Variants in GPR137 observed in about 807,000 individuals in gnomAD.
GPR137 encodes integral membrane protein GPR137.
Under a neutral mutation model 38.9 loss-of-function variants are expected in GPR137, and 20 were observed. That is an observed-to-expected ratio of 0.51 (90% CI 0.36 to 0.75). The LOEUF (loss-of-function observed/expected upper bound fraction) is 0.75. GPR137 is among the 30% of genes least tolerant of loss of function. GPR137 has a pLI of 0.00. For synonymous variants in GPR137, 226 were observed against 235.8 expected (o/e 0.96, Z 0.38); for missense variants, 456 against 526.4 (o/e 0.87, Z 1.31).
chr11:64,289,032 T>C lies in GPR137; in HGVS notation c.1032-5T>C, dbSNP rs111316303. The C allele has an allele frequency of 9.0e-6, 14 of 1,549,200 alleles. No homozygotes were observed. In the Admixed American group the frequency reaches 1.3e-4, roughly 15 times the overall value. Reference sequence around the variant, plus strand: ...CCTGAGACTGACCCTGTTTCTCTGCTGCAGTATGTCGGGCAGTCTAGGCTC... The same window carrying C: ...CCTGAGACTGACCCTGTTTCTCTGCCGCAGTATGTCGGGCAGTCTAGGCTC... On this transcript the variant is annotated splice_polypyrimidine_tract_variant and splice_region_variant and intron_variant, in intron 6 of 6. Coordinates refer to ENST00000438980, the MANE Select transcript of GPR137 (RefSeq NM_001170880.2).
upstream of GPR137, chr11:64,285,066 G>T (rs1242043212): frequency 9.2e-6 from 10 of 1,090,328 alleles, no homozygotes; most frequent in Non-Finnish European, 2.3e-6. Flanking sequence ...TGATTACTGC[G>T]GGCGAAGGCG....
At chr11:64,284,592 G>A (rs2033728401), upstream of GPR137, 1 of 1,497,864 alleles carries the variant, frequency 6.7e-7, no homozygotes, top group Non-Finnish European at 8.9e-7. Context: ...GGTGGACCCA[G>A]GCCCCGCCCC....
chr11:64,272,252 G>C (rs1469218049), upstream of GPR137, among the ~76,000 whole-genome samples: 1 of 152,032 alleles, frequency 6.6e-6, no homozygotes, highest in African/African-American at 2.4e-5. Flanking sequence ...CCAGGAGGGA[G>C]AGGTCGCAGT....
upstream of GPR137, among the ~76,000 whole-genome samples, chr11:64,281,867 C>T (rs1591176136): frequency 6.6e-6 from 1 of 152,164 alleles, no homozygotes; most frequent in Non-Finnish European, 1.5e-5. Context: ...ACTATAGGTG[C>T]GCGCCACCAT....
upstream of GPR137, among the ~76,000 whole-genome samples, chr11:64,274,814 C>CTT (rs776333851): frequency 1.0e-4 from 15 of 150,570 alleles, no homozygotes; most frequent in Non-Finnish European, 1.6e-4. Flanking sequence ...GAGTGAGACT[C>CTT]TGTCTCAAAA....
chr11:64,277,595 G>A (rs1046168876), intron 2 of GPR137, among the ~76,000 whole-genome samples: 1 of 152,038 alleles, frequency 6.6e-6, no homozygotes, highest in Non-Finnish European at 1.5e-5. Flanking sequence ...CACCATGCCC[G>A]GCTAATTTTT....
chr11:64,287,193 G>C, intron 2 of GPR137, 179 bp downstream of exon 2: 7 of 985,326 alleles, frequency 7.1e-6, no homozygotes, highest in Non-Finnish European at 8.4e-6. Context: ...TTGCAGATCT[G>C]CAAGGCACAG....
intron 2 of GPR137, 45 bp downstream of exon 2, chr11:64,287,059 C>G (rs748516663): frequency 1.6e-5 from 26 of 1,598,734 alleles, no homozygotes; most frequent in Non-Finnish European, 2.1e-5. Context: ...AGGTCAGGGG[C>G]AGGTGACAGT....
At chr11:64,278,460 CCCT>C (rs1427147009) in intron 2 of GPR137, among the ~76,000 whole-genome samples, 2 of 151,312 alleles carry the variant, frequency 1.3e-5, no homozygotes, top group African/African-American at 4.9e-5. Context: ...AACACTTAGC[CCCT>C]CCTCTGCGCC....
At chr11:64,274,992 CAAAAAAAAAA>C (rs34418386), upstream of GPR137, among the ~76,000 whole-genome samples, 1 of 54,406 alleles carries the variant, frequency 1.8e-5, no homozygotes, top group African/African-American at 9.2e-5. Flanking sequence ...GACTTTGTCT[CAAAAAAAAAA>C]AAAAAAAAAA....
At chr11:64,284,830 C>A, upstream of GPR137, 3 of 1,522,012 alleles carry the variant, frequency 2.0e-6, no homozygotes, top group Non-Finnish European at 2.6e-6. Context: ...GCTCCTCGTC[C>A]GCATCCTTTT....
rs1364416600 is a variant in GPR137, at chr11:64,288,347, T to C, written c.791T>C (p.Leu264Pro). 1.2e-6 allele frequency: 2 copies of C among 1,613,856 alleles called. No homozygotes were observed. Among genetic ancestry groups the C allele is most frequent in the East Asian group, 4.5e-5 (2 of 44,872 alleles). Residue 264 changes from leucine (L) to proline (P), a missense_variant, in exon 5 of 7, where the codon CTG (leucine) becomes CCG (proline). By Grantham distance (98) the Leu-to-Pro change is moderately conservative. Transcript: ENST00000438980. The surrounding 1 kb of genome is among the most constrained non-coding windows in gnomAD (Gnocchi z 5.5). ...DWYNVSDQAD[L>P]VNDLGNKGYL... ...GCCCCTGCCTTCCCACAGGCGGACC[T>C]GGTGAATGACCTGGGGAACAAAGGC...
upstream of GPR137, among the ~76,000 whole-genome samples, chr11:64,282,371 G>A (rs1472379110): frequency 3.3e-5 from 5 of 152,166 alleles, no homozygotes; most frequent in Non-Finnish European, 5.9e-5. Flanking sequence ...GGAGGCCAAG[G>A]TGAGAGGATT....
chr11:64,289,466 C>T lies in GPR137; in HGVS notation c.*270C>T. On this transcript the variant is annotated 3_prime_UTR_variant, in exon 7 of 7. Coordinates refer to ENST00000438980, the MANE Select transcript of GPR137 (RefSeq NM_001170880.2). ...AGCCAGCTACCTCTCCTGTGCCTGC[C>T]ACTCAATAAACAGTGTCTGCGCCCC... 5 of 1,495,194 alleles carry T rather than the reference C, an allele frequency of 3.3e-6. No homozygotes were observed. The highest frequency in any genetic ancestry group is 3.6e-6 in the Non-Finnish European group (4 of 1,126,634). The allele number at this position is 1,495,194 out of a possible 1,614,324, so 92.6% of individuals were successfully genotyped here. A position where few individuals can be genotyped will look rare whatever the true frequency, so the allele number is the denominator to read the frequency against.
At chr11:64,273,848 C>A (rs1466776961), upstream of GPR137, among the ~76,000 whole-genome samples, 1 of 118,960 alleles carries the variant, frequency 8.4e-6, no homozygotes, top group Non-Finnish European at 1.7e-5. Context: ...CGCCACTGCA[C>A]CCATCTCAAA....
upstream of GPR137, chr11:64,284,799 C>T (rs1346180494): frequency 2.6e-6 from 4 of 1,529,422 alleles, no homozygotes; most frequent in Non-Finnish European, 2.6e-6. Flanking sequence ...GGCCCGGCCC[C>T]GCCCCCCCGC....
At chr11:64,284,095 TC>T, upstream of GPR137, 5 of 1,455,666 alleles carry the variant, frequency 3.4e-6, no homozygotes, top group Non-Finnish European at 4.6e-6. Flanking sequence ...CCCAAAGCAT[TC>T]AGTGCCTGTG....
At chr11:64,271,906 G>C, upstream of GPR137, 1 of 995,150 alleles carries the variant, frequency 1.0e-6, no homozygotes, top group Non-Finnish European at 1.3e-6. Flanking sequence ...CCACTCGTGG[G>C]TCTTCCAGGG....
In GPR137 at chr11:64,285,986, G is replaced by A. The variant is rs759573485; in HGVS notation, c.-539G>A. The A allele has an allele frequency of 2.9e-4, 287 of 982,770 alleles. No individual in the cohort carries two copies. Among genetic ancestry groups the A allele is most frequent in the Non-Finnish European group, 3.4e-4 (279 of 827,444 alleles). 60.9% of individuals were successfully genotyped at this position (982,770 alleles called of 1,614,324 possible). The stretch of plus-strand genomic sequence containing the variant: ...CGTGGACGCGGTGGGGGAGGGTGGG[G>A]CGGGGGCAGCTTTCGAGAATTACGA... On this transcript the variant is annotated 5_prime_UTR_variant, in exon 1 of 7. Transcript: ENST00000438980.
Sources: gnomAD v4.1 joint callset for allele counts (sites outside exome capture counted in the v4.1 genomes callset) on GRCh38, gnomAD v4.1.1 for gene constraint, Gnocchi (gnomAD v3.1) non-coding constraint, MANE v1.5 for transcripts, NCBI Gene and HGNC (gene_info 2026-07-23, HGNC 2026-07-21) for gene names.